Variants in CXCL12 observed in about 807,000 individuals in gnomAD.
The protein encoded by CXCL12 is stromal cell-derived factor 1.
A neutral mutation model predicts 10.7 loss-of-function variants in CXCL12; 4 were observed. The ratio of observed to expected loss-of-function variants is 0.37; its 90% CI spans 0.18 to 0.86. The LOEUF is 0.86. Ranked by LOEUF, CXCL12 falls within the 40% of genes least tolerant of loss-of-function variation. The pLI is 0.43. For synonymous variants in CXCL12, 54 were observed against 45.4 expected, an observed-to-expected ratio of 1.19 and a Z score of -0.77; for missense variants, 122 against 110.4, an observed-to-expected ratio of 1.10 and a Z score of -0.47.
chr10:44,378,182 G>C lies in CXCL12; in HGVS notation c.*451C>G. 1 of 1,415,978 alleles carries C rather than the reference G, an allele frequency of 7.1e-7. No individual in the cohort carries two copies. Among genetic ancestry groups the C allele is most frequent in the Non-Finnish European group, 9.3e-7 (1 of 1,080,912 alleles). The allele number at this position is 1,415,978 out of a possible 1,614,324, so 87.7% of individuals were successfully genotyped here. On this transcript the variant is annotated 3_prime_UTR_variant, in exon 3 of 3. Transcript: ENST00000343575. ...GAAAGGACACTTTTTCCAGCTCCCT[G>C]TTAAGCCACCACCTGACTGTGCCCA...
chr10:44,378,321 GAACT>G lies in CXCL12; in HGVS notation c.*308_*311del, dbSNP rs1404280452. The G allele has an allele frequency of 4.0e-6, 6 of 1,482,284 alleles. No homozygotes were observed. The African/African-American group carries it at 5.5e-5, about 14-fold the overall frequency. The allele number at this position is 1,482,284 out of a possible 1,614,324, so 91.8% of individuals were successfully genotyped here. A position where few individuals can be genotyped will look rare whatever the true frequency, so the allele number is the denominator to read the frequency against. ...GATGATGATTGTGATGATCATGAAG[GAACT>G]AACTGCTTGAAAATGCTGTTGATAA... On this transcript the variant is annotated 3_prime_UTR_variant, in exon 3 of 3. Transcript: ENST00000343575.
intron 1 of CXCL12, among the ~76,000 whole-genome samples, chr10:44,383,164 T>C (rs1839683702): frequency 2.6e-5 from 4 of 152,280 alleles, no homozygotes; most frequent in Admixed American, 6.5e-5. Flanking sequence ...GCTCTCTCTG[T>C]AGTGCAGCTT....
chr10:44,383,123 C>A (rs184228723), intron 1 of CXCL12, among the ~76,000 whole-genome samples: 1 of 152,318 alleles, frequency 6.6e-6, no homozygotes, highest in East Asian at 1.9e-4. Context: ...CGGAAGTCAG[C>A]CAATGGGGGA....
downstream of CXCL12, chr10:44,374,388 T>C: frequency 2.2e-6 from 1 of 452,168 alleles, no homozygotes; most frequent in Non-Finnish European, 4.5e-6. Flanking sequence ...CTAGAGTGGC[T>C]ACTGGCTTCC....
At chr10:44,375,839 C>T (rs186252182), downstream of CXCL12, 25 of 1,567,148 alleles carry the variant, frequency 1.6e-5, no homozygotes, top group Admixed American at 7.9e-5. Context: ...GTCTGAGCCC[C>T]TGCCCAGTCT....
At chr10:44,372,918 C>G, downstream of CXCL12, 2 of 1,535,916 alleles carry the variant, frequency 1.3e-6, no homozygotes, top group Non-Finnish European at 1.7e-6. Context: ...CTGGTCCTGG[C>G]ACCCCCAGGC....
downstream of CXCL12, chr10:44,372,966 G>A: frequency 6.5e-7 from 1 of 1,535,998 alleles, no homozygotes; most frequent in Non-Finnish European, 8.7e-7. Context: ...GGCTGACCAT[G>A]GGGCCAGGCT....
At chr10:44,379,144 C>T (rs763601507) in intron 2 of CXCL12, among the ~76,000 whole-genome samples, 4 of 151,924 alleles carry the variant, frequency 2.6e-5, no homozygotes, top group African/African-American at 4.8e-5. Flanking sequence ...GAATGGAGAG[C>T]AACAGAGCAG....
At chr10:44,373,569 G>C (rs545907317), downstream of CXCL12, among the ~76,000 whole-genome samples, 1 of 152,354 alleles carries the variant, frequency 6.6e-6, no homozygotes, top group African/African-American at 2.4e-5. Flanking sequence ...AGAAAGCAGA[G>C]GACAGACACG....
chr10:44,374,666 C>T (rs1323954094), downstream of CXCL12: 7 of 456,062 alleles, frequency 1.5e-5, no homozygotes, highest in East Asian at 4.9e-4. Context: ...CTCAAGGGGA[C>T]ACCACGCTCC....
downstream of CXCL12, chr10:44,376,116 G>T: frequency 6.9e-7 from 1 of 1,459,766 alleles, no homozygotes; most frequent in African/African-American, 1.4e-5. Context: ...ACACTGGCCC[G>T]TGTACTGGTT....
chr10:44,374,842 T>C (rs897799982), downstream of CXCL12: 37 of 372,434 alleles, frequency 9.9e-5, no homozygotes, highest in Admixed American at 3.6e-4. Context: ...GGCTGAGAAA[T>C]TCAACGCATC....
chr10:44,384,893 C>A (rs1037777322), intron 1 of CXCL12, 52 bp downstream of exon 1: 6 of 1,501,396 alleles, frequency 4.0e-6, no homozygotes, highest in African/African-American at 2.9e-5. Context: ...CTGCGCCGGG[C>A]GGGAGCCGAA....
In CXCL12 at chr10:44,380,804, A is replaced by G; in HGVS notation, c.138T>C (p.His46=). The G allele has an allele frequency of 1.2e-6, 2 of 1,614,218 alleles. No homozygotes were observed. Among genetic ancestry groups the G allele is most frequent in the Non-Finnish European group, 1.7e-6 (2 of 1,180,034 alleles). ...ESHVARANVK[H]LKILNTPNCA... ...AGTTTGGAGTGTTGAGAATTTTGAGATGCTTGACGTTGGCTCTGGCAACAT... is the reference window on the plus strand; with the variant it reads ...AGTTTGGAGTGTTGAGAATTTTGAGGTGCTTGACGTTGGCTCTGGCAACAT... The change falls in exon 2 of 3, where the codon CAT becomes CAC. Residue 46 remains histidine, a synonymous_variant. Transcript: ENST00000343575.
At chr10:44,373,267 C>A, downstream of CXCL12, 2 of 1,582,960 alleles carry the variant, frequency 1.3e-6, no homozygotes, top group Non-Finnish European at 1.7e-6. Flanking sequence ...GCAGGCCCTT[C>A]CCTAACACTG....
chr10:44,375,967 CTCT>C, downstream of CXCL12: 1 of 1,613,424 alleles, frequency 6.2e-7, no homozygotes, highest in East Asian at 2.2e-5. Context: ...GGCAGCCTTT[CTCT>C]TCTTCTGTCG....
At chr10:44,375,856 G>T (rs534449174), downstream of CXCL12, 3 of 1,588,776 alleles carry the variant, frequency 1.9e-6, no homozygotes, top group South Asian at 3.5e-5. Context: ...GTCTGCATGG[G>T]GGTCTGTCCT....
chr10:44,380,612 A>T (rs1212939768), intron 2 of CXCL12, 151 bp downstream of exon 2: 1 of 722,398 alleles, frequency 1.4e-6, no homozygotes, highest in Non-Finnish European at 2.5e-6. Flanking sequence ...AAAGGTCCTC[A>T]TGATAAGAAT....
downstream of CXCL12, chr10:44,377,022 G>C: frequency 3.3e-6 from 3 of 902,672 alleles, no homozygotes; most frequent in Non-Finnish European, 2.6e-6. Context: ...TCAGACACCT[G>C]ACTGCAGGCA....
Sources: gnomAD v4.1 joint callset for allele counts (sites outside exome capture counted in the v4.1 genomes callset) on GRCh38, gnomAD v4.1.1 for gene constraint, MANE v1.5 for transcripts, NCBI Gene and HGNC (gene_info 2026-07-23, HGNC 2026-07-21) for gene names.